SMOC2: variants seen among roughly 807,000 people sequenced by gnomAD.
SMOC2 encodes SPARC related modular calcium binding 2.
Under a neutral mutation model 61.4 loss-of-function variants are expected in SMOC2, and 39 were observed. That is an observed-to-expected ratio of 0.64 (90% CI 0.49 to 0.83). SMOC2 has a LOEUF of 0.83. Ranked by LOEUF, SMOC2 falls within the 40% of genes least tolerant of loss-of-function variation. The pLI is 0.00. For missense variants in SMOC2, 556 were observed against 592.9 expected (o/e 0.94, Z 0.65); for synonymous variants, 247 against 239.9 (o/e 1.03, Z -0.27).
intron 1 of SMOC2, among the ~76,000 whole-genome samples, chr6:168,488,657 G>C (rs1782390989): frequency 6.6e-6 from 1 of 152,262 alleles, no homozygotes; most frequent in East Asian, 1.9e-4. Flanking sequence ...GGATCACACT[G>C]TTTTAGAGTG....
chr6:168,624,943 A>C (rs569694688), intron 9 of SMOC2, among the ~76,000 whole-genome samples: 5 of 152,122 alleles, frequency 3.3e-5, no homozygotes, highest in Middle Eastern at 6.8e-3. Flanking sequence ...ACAGACACAC[A>C]AACACATGCA....
chr6:168,608,386 T>G, intron 9 of SMOC2, 147 bp downstream of exon 9: 1 of 896,054 alleles, frequency 1.1e-6, no homozygotes, highest in Non-Finnish European at 1.7e-6. Flanking sequence ...CAGAGGGCCC[T>G]GAGTCCAGGC....
At chr6:168,577,334 A>T (rs1284250458) in intron 7 of SMOC2, among the ~76,000 whole-genome samples, 2 of 152,130 alleles carry the variant, frequency 1.3e-5, no homozygotes, top group African/African-American at 4.8e-5. Flanking sequence ...ACTTTGCTGG[A>T]CCAGGATGCC....
intron 10 of SMOC2, among the ~76,000 whole-genome samples, 188 bp from the exon 11 acceptor site, chr6:168,652,766 A>G (rs1160748333): frequency 1.3e-5 from 2 of 152,142 alleles, no homozygotes; most frequent in East Asian, 3.9e-4. Context: ...CAACCTGAAA[A>G]ATCTTTGCTA....
At chr6:168,655,284 C>G (rs1478778565) in intron 11 of SMOC2, 1 of 409,728 alleles carries the variant, frequency 2.4e-6, no homozygotes, top group Non-Finnish European at 5.0e-6. Context: ...TAGGCCAGTT[C>G]ACAAGCCGTA....
chr6:168,616,901 G>T (rs1786109565), intron 9 of SMOC2, among the ~76,000 whole-genome samples: 1 of 152,336 alleles, frequency 6.6e-6, no homozygotes, highest in Non-Finnish European at 1.5e-5. Context: ...CGGGGGGGTT[G>T]CAGGGAGCTC....
At chr6:168,586,107 T>A (rs111417901) in intron 7 of SMOC2, among the ~76,000 whole-genome samples, 47 of 152,214 alleles carry the variant, frequency 3.1e-4, no homozygotes, top group African/African-American at 9.6e-4. Context: ...TCTTTTAGAG[T>A]CTTTATATTT....
intron 8 of SMOC2, among the ~76,000 whole-genome samples, chr6:168,607,247 C>T (rs889713035): frequency 3.9e-5 from 6 of 152,150 alleles, no homozygotes; most frequent in Admixed American, 3.3e-4. Context: ...ATGTCCACCT[C>T]CTCTACTGGA....
chr6:168,648,511 C>A (rs997690594), intron 9 of SMOC2, among the ~76,000 whole-genome samples: 2 of 152,228 alleles, frequency 1.3e-5, no homozygotes, highest in Non-Finnish European at 1.5e-5. Flanking sequence ...GAGCCGAGGC[C>A]GGGTGGGCTG....
intron 1 of SMOC2, among the ~76,000 whole-genome samples, chr6:168,459,376 G>A (rs1431025967): frequency 6.6e-6 from 1 of 152,180 alleles, no homozygotes; most frequent in Non-Finnish European, 1.5e-5. Flanking sequence ...TTGAGGACAA[G>A]CTGGAAAGGG....
At chr6:168,574,280 G>C (rs1784742074) in intron 7 of SMOC2, among the ~76,000 whole-genome samples, 1 of 152,334 alleles carries the variant, frequency 6.6e-6, no homozygotes, top group South Asian at 2.1e-4. Context: ...GTCGAAGGCT[G>C]CTCCAGGACC....
rs1322068540 is a variant in SMOC2, at chr6:168,475,450, C to T, written c.84+33996C>T. 1.3e-5 allele frequency among the ~76,000 whole-genome samples: 2 copies of T among 152,102 alleles called. No individual in the cohort carries two copies. Among genetic ancestry groups the T allele is most frequent in the Non-Finnish European group, 2.9e-5 (2 of 68,000 alleles). ...CAATCCCTCCCCCACCCCACCAGGTCGTGATCCCTGAGGGAAGCATGGTCT... is the reference window on the plus strand; with the variant it reads ...CAATCCCTCCCCCACCCCACCAGGTTGTGATCCCTGAGGGAAGCATGGTCT... On this transcript the variant is annotated intron_variant, in intron 1 of 12. Coordinates refer to ENST00000356284, the MANE Select transcript of SMOC2 (RefSeq NM_001166412.2). This position sits in a 1 kb window ranked among gnomAD's most constrained non-coding sequence, Gnocchi z 4.6.
rs576514947 is a variant in SMOC2 at position 168,601,063 on chromosome 6, C to T, written c.824+2059C>T. Among the ~76,000 whole-genome samples the T allele has an allele frequency of 2.6e-5, 4 of 152,308 alleles. No homozygotes were observed. The East Asian group carries it at 5.8e-4, about 22-fold the overall frequency. On this transcript the variant is annotated intron_variant, in intron 8 of 12. Transcript: ENST00000356284. ...TCTCTTAAATGTTATCAAATGTAGC[C>T]GCTGATGTCACCTTTAATGCTTAGG...
chr6:168,459,561 T>C (rs1395849486), intron 1 of SMOC2, among the ~76,000 whole-genome samples: 1 of 49,508 alleles, frequency 2.0e-5, no homozygotes, highest in Non-Finnish European at 3.9e-5. Flanking sequence ...AGCCCTGGGG[T>C]GGGTGAGCCC....
intron 10 of SMOC2, among the ~76,000 whole-genome samples, chr6:168,651,816 G>A (rs1409525613): frequency 6.6e-6 from 1 of 152,200 alleles, no homozygotes; most frequent in Non-Finnish European, 1.5e-5. Context: ...CAAGGCAGGT[G>A]GATCACCTGA....
rs1307118453 is a variant in SMOC2 at position 168,636,654 on chromosome 6, G to T, written c.908-14027G>T. On this transcript the variant is annotated intron_variant, in intron 9 of 12. Transcript: ENST00000356284. ...GAAAGTGATAGCGGTCAAAGCTGCT[G>T]CTGGGCTACTGCAGACAAAGGTATC... is the stretch of plus-strand genomic sequence containing the variant. 9.2e-5 allele frequency among the ~76,000 whole-genome samples: 14 copies of T among 152,256 alleles called. No individual in the cohort carries two copies. In the East Asian group the frequency reaches 2.7e-3, roughly 29 times the overall value.
intron 5 of SMOC2, among the ~76,000 whole-genome samples, chr6:168,545,480 A>G (rs1783972679): frequency 6.6e-6 from 1 of 152,246 alleles, no homozygotes; most frequent in Non-Finnish European, 1.5e-5. Flanking sequence ...GGCTGACTTC[A>G]GCAGCCACCA....
At chr6:168,652,928 C>A (rs775226229) in intron 10 of SMOC2, 26 bp from the exon 11 acceptor site, 14 of 1,606,848 alleles carry the variant, frequency 8.7e-6, no homozygotes, top group Admixed American at 1.7e-5. Flanking sequence ...GTTTAAGCAT[C>A]CTGACGGCAT....
rs115977910 is a variant in SMOC2, at chr6:168,605,678, G to A, written c.825-2479G>A. On this transcript the variant is annotated intron_variant, in intron 8 of 12. Transcript: ENST00000356284. Reference sequence around the variant, plus strand: ...AGGTGGCTGGCTTCCTGATTGCTTCGAAGCTAGGAGATTTGGAATGAGGGT... The same window carrying A: ...AGGTGGCTGGCTTCCTGATTGCTTCAAAGCTAGGAGATTTGGAATGAGGGT... Among the ~76,000 whole-genome samples, 714 of 152,250 alleles carry A rather than the reference G, an allele frequency of 4.7e-3. 5 individuals are homozygous for A. The highest frequency in any genetic ancestry group is 0.016 in the African/African-American group (680 of 41,554).
Sources: allele counts gnomAD v4.1 joint callset (sites outside exome capture counted in the v4.1 genomes callset), GRCh38; gene constraint gnomAD v4.1.1; non-coding constraint Gnocchi (gnomAD v3.1); transcripts MANE v1.5; gene names NCBI Gene and HGNC (gene_info 2026-07-23, HGNC 2026-07-21).